The following SV2C variants were observed in gnomAD, a reference collection of about 807,000 sequenced individuals.
SV2C encodes the protein synaptic vesicle glycoprotein 2C, also known as solute carrier family 22 member B3.
A neutral mutation model predicts 79.7 loss-of-function variants in SV2C; 49 were observed. The ratio of observed to expected loss-of-function variants is 0.61; its 90% CI spans 0.49 to 0.78. The LOEUF (loss-of-function observed/expected upper bound fraction) is 0.78, where lower values mean the gene tolerates loss of function less well. Ranked by LOEUF, SV2C falls within the 30% of genes least tolerant of loss-of-function variation. The probability of loss-of-function intolerance (pLI) is 0.00; values close to 1 mark genes in which losing one functional copy is unlikely to be tolerated. For synonymous variants in SV2C, 334 were observed against 333.2 expected (o/e 1.00, Z -0.03); for missense variants, 833 against 912.9 (o/e 0.91, Z 1.13).
At chr5:75,899,433 ATAGT>A in the SV2C span, among the ~76,000 whole-genome samples, 1 of 152,086 alleles carries the variant, frequency 6.6e-6, no homozygotes, top group East Asian at 1.9e-4. Context: ...GGTCTGAGAG[ATAGT>A]TTGTTATAAT....
chr5:76,188,938 A>G (rs1744010039), intron 2 of SV2C, among the ~76,000 whole-genome samples: 1 of 151,630 alleles, frequency 6.6e-6, no homozygotes, highest in South Asian at 2.1e-4. Context: ...AGCAGCTGTG[A>G]AAGCTTACAC....
At chr5:76,199,171 A>C (rs7448529) in intron 3 of SV2C, among the ~76,000 whole-genome samples, 89,759 of 151,986 alleles carry the variant, frequency 0.59, 26,964 homozygotes, top group East Asian at 0.92. Context: ...TTCTTTATTA[A>C]AACTTAAGCC....
the SV2C span, among the ~76,000 whole-genome samples, chr5:76,054,460 G>A: frequency 1.3e-5 from 2 of 152,164 alleles, no homozygotes; most frequent in African/African-American, 4.8e-5. Flanking sequence ...ACATATGTGT[G>A]CATGGGTCTT....
chr5:76,247,739 G>A (rs567770891), intron 4 of SV2C, among the ~76,000 whole-genome samples: 2 of 152,310 alleles, frequency 1.3e-5, no homozygotes, highest in African/African-American at 4.8e-5. Context: ...TTTAACAATT[G>A]TGGACCAAAA....
At chr5:76,053,122 A>AG in the SV2C span, among the ~76,000 whole-genome samples, 3 of 151,688 alleles carry the variant, frequency 2.0e-5, no homozygotes, top group Non-Finnish European at 4.4e-5. Flanking sequence ...CAAAAAAAAA[A>AG]AAAGAGTAGA....
chr5:76,041,067 C>T, the SV2C span, among the ~76,000 whole-genome samples: 2 of 152,032 alleles, frequency 1.3e-5, no homozygotes, highest in Admixed American at 1.3e-4. Context: ...GAGGGCAGGT[C>T]TAGGGAAGCC....
chr5:76,028,341 G>A, the SV2C span, among the ~76,000 whole-genome samples: 2 of 152,156 alleles, frequency 1.3e-5, no homozygotes, highest in South Asian at 2.1e-4. Flanking sequence ...CATCTTGGCT[G>A]GAAGTGGAAG....
At chr5:76,265,932 G>A (rs1746640360) in intron 4 of SV2C, among the ~76,000 whole-genome samples, 2 of 152,150 alleles carry the variant, frequency 1.3e-5, no homozygotes. Flanking sequence ...CATCTTGCCA[G>A]ATGCCCTCAA....
At chr5:75,928,231 C>A in the SV2C span, among the ~76,000 whole-genome samples, 1 of 152,122 alleles carries the variant, frequency 6.6e-6, no homozygotes, top group African/African-American at 2.4e-5. Flanking sequence ...ACTTTGTATC[C>A]ATTAAAAAAT....
At chr5:75,942,748 C>T in the SV2C span, among the ~76,000 whole-genome samples, 16 of 152,240 alleles carry the variant, frequency 1.1e-4, no homozygotes, top group Admixed American at 2.6e-4. Context: ...AAAGTGCTTC[C>T]GTCAGTAACT....
At chr5:76,088,514 C>T (rs1747272892) in intron 1 of SV2C, among the ~76,000 whole-genome samples, 1 of 152,106 alleles carries the variant, frequency 6.6e-6, no homozygotes, top group Admixed American at 6.5e-5. Context: ...AGCAAGGCAC[C>T]TCCCTTCAGC....
chr5:76,054,217 C>T, the SV2C span, among the ~76,000 whole-genome samples: 1 of 152,154 alleles, frequency 6.6e-6, no homozygotes, highest in Admixed American at 6.5e-5. Flanking sequence ...TTGTTCCACA[C>T]CCACTTATGA....
chr5:75,858,547 C>A, the SV2C span, among the ~76,000 whole-genome samples: 1 of 152,242 alleles, frequency 6.6e-6, no homozygotes, highest in East Asian at 1.9e-4. Flanking sequence ...TCTTCAGGGA[C>A]ATTGGGCTGT....
intron 4 of SV2C, chr5:76,241,902 T>C: frequency 1.5e-6 from 1 of 654,092 alleles, no homozygotes; most frequent in Non-Finnish European, 2.7e-6. Context: ...GCTAACAACA[T>C]AGCTTTAAAA....
chr5:76,280,973 G>T, intron 4 of SV2C: 1 of 537,564 alleles, frequency 1.9e-6, no homozygotes, highest in Admixed American at 1.9e-5. Context: ...CTGGTGATGC[G>T]GCCCAACAGG....
At chr5:75,869,934 C>G in the SV2C span, among the ~76,000 whole-genome samples, 1 of 152,136 alleles carries the variant, frequency 6.6e-6, no homozygotes, top group Non-Finnish European at 1.5e-5. Context: ...TCTGCAAAAC[C>G]ACAGCGTTTC....
the SV2C span, among the ~76,000 whole-genome samples, chr5:76,009,771 G>T: frequency 6.6e-6 from 1 of 152,076 alleles, no homozygotes; most frequent in Non-Finnish European, 1.5e-5. Context: ...GAGAGACGGA[G>T]GTGGGCAAGG....
At chr5:76,053,934 T>C in the SV2C span, among the ~76,000 whole-genome samples, 5 of 152,096 alleles carry the variant, frequency 3.3e-5, no homozygotes, top group Admixed American at 1.3e-4. Context: ...AAATTATTAA[T>C]AATAATTTAT....
At chr5:76,077,899 A>G in the SV2C span, among the ~76,000 whole-genome samples, 7 of 152,164 alleles carry the variant, frequency 4.6e-5, no homozygotes, top group Non-Finnish European at 8.8e-5. Flanking sequence ...GAGCATGGAG[A>G]CCAACCCCTT....
Sources: gnomAD v4.1 joint callset for allele counts (sites outside exome capture counted in the v4.1 genomes callset) on GRCh38, gnomAD v4.1.1 for gene constraint, MANE v1.5 for transcripts, NCBI Gene and HGNC (gene_info 2026-07-23, HGNC 2026-07-21) for gene names.